Variants in SPINK5 observed in about 807,000 individuals in gnomAD.
SPINK5 encodes the protein serine protease inhibitor Kazal-type 5.
SPINK5 carries 125 observed loss-of-function variants against 151.8 expected under a neutral mutation model. The ratio of observed to expected loss-of-function variants is 0.82; its 90% confidence interval spans 0.71 to 0.96. The LOEUF is 0.96. SPINK5 is among the 40% of genes least tolerant of loss of function. The pLI, the probability that SPINK5 is intolerant of heterozygous loss-of-function variation, is 0.00. For missense variants in SPINK5, 1,194 were observed against 1,291.9 expected, an observed-to-expected ratio of 0.92 and a Z score of 1.16; for synonymous variants, 374 against 395.3, an observed-to-expected ratio of 0.95 and a Z score of 0.64.
At position 148,118,210 on chromosome 5, in the gene SPINK5, T is replaced by G. The variant is rs3777136; in HGVS notation, c.2113-227T>G. 0.54 allele frequency among the ~76,000 whole-genome samples: 82,426 copies of G among 151,946 alleles called. 23,505 individuals are homozygous for G. The highest frequency in any genetic ancestry group is 0.64 in the Admixed American group (9,786 of 15,286). Reference sequence around the variant, plus strand: ...ATTTTTGTATTTTTAGTAGAGACAGTGTTTCACCATGCTGTCCAGGCTGGT... The same window carrying G: ...ATTTTTGTATTTTTAGTAGAGACAGGGTTTCACCATGCTGTCCAGGCTGGT... On this transcript the variant is annotated intron_variant, in intron 22 of 32. Coordinates refer to ENST00000256084, the MANE Select transcript of SPINK5 (RefSeq NM_006846.4).
intron 10 of SPINK5, 82 bp from the exon 11 acceptor site, chr5:148,097,785 C>T (rs1410609420): frequency 1.1e-6 from 1 of 933,626 alleles, no homozygotes; most frequent in Non-Finnish European, 1.5e-6. Context: ...CTTAATTTCT[C>T]TTTTTTCTTT....
intron 21 of SPINK5, 43 bp from the exon 22 acceptor site, chr5:148,116,327 T>C (rs1241103360): frequency 6.3e-7 from 1 of 1,594,306 alleles, no homozygotes. Flanking sequence ...CACACCACTC[T>C]CTGTAATCTA....
rs3752676 is a variant in SPINK5 at position 148,070,522 on chromosome 5, C to A, written c.209+72C>A. The stretch of plus-strand genomic sequence containing the variant: ...TAGTCTCTGAACTGGTAAATGTATT[C>A]TTTTTCTTTCAAGTGCATTTTTCTA... On this transcript the variant is annotated intron_variant, in intron 3 of 32. Transcript: ENST00000256084. 1,053,160 of 1,584,200 alleles carry A rather than the reference C, an allele frequency of 0.66. 356,130 individuals carry two copies. Among genetic ancestry groups the A allele is most frequent in the East Asian group, 0.91 (40,228 of 44,232 alleles).
chr5:148,077,695 A>C (rs1752921003), intron 4 of SPINK5, among the ~76,000 whole-genome samples: 1 of 148,862 alleles, frequency 6.7e-6, no homozygotes, highest in Admixed American at 6.7e-5. Flanking sequence ...AGAGAAAATA[A>C]AGCTTTATTA....
rs1328467661 is a variant in SPINK5, at chr5:148,075,637, T to C, written c.282+3417T>C. On this transcript the variant is annotated intron_variant, in intron 4 of 32. Transcript: ENST00000256084. ...TCTCCTCAGAAAGCAACTATAAAGCTAGACAAAATTGACCAAAAACCATTT... is the reference window on the plus strand; with the variant it reads ...TCTCCTCAGAAAGCAACTATAAAGCCAGACAAAATTGACCAAAAACCATTT... 2.0e-5 allele frequency among the ~76,000 whole-genome samples: 3 copies of C among 151,844 alleles called. No individual in the cohort carries two copies. In the East Asian group the frequency reaches 5.9e-4, roughly 30 times the overall value.
At chr5:148,126,023 T>C (rs538840342) in intron 29 of SPINK5, among the ~76,000 whole-genome samples, 173 bp downstream of exon 29, 1 of 152,336 alleles carries the variant, frequency 6.6e-6, no homozygotes, top group East Asian at 1.9e-4. Flanking sequence ...ACACTGAGAC[T>C]TGGAGACAAA....
intron 22 of SPINK5, among the ~76,000 whole-genome samples, chr5:148,118,017 T>C (rs3822745): frequency 5.9e-5 from 9 of 151,778 alleles, no homozygotes; most frequent in Non-Finnish European, 1.2e-4. Context: ...TTAGGGGTTT[T>C]TTTGTTTGTT....
At chr5:148,099,432 C>T in intron 12 of SPINK5, 117 bp downstream of exon 12, 1 of 808,338 alleles carries the variant, frequency 1.2e-6, no homozygotes, top group Non-Finnish European at 2.1e-6. Flanking sequence ...ACTCTTCAAT[C>T]TGGGGATGGT....
At position 148,120,337 on chromosome 5, in the gene SPINK5, C is replaced by T; in HGVS notation, c.2484C>T (p.Asp828=). ...AAEKKKKEDE[D]RSNTGERSNT... ...AAAAAAAAAAGAAAGAGGATGAAGA[C>T]AGGAGCAATACAGGAGAAAGGAGCA... The change falls in exon 26 of 33, where the codon GAC becomes GAT. Residue 828 remains aspartate, a synonymous_variant. Coordinates refer to ENST00000256084, the MANE Select transcript of SPINK5 (RefSeq NM_006846.4). 16 of 1,604,302 alleles carry T rather than the reference C, an allele frequency of 1.0e-5. No individual in the cohort carries two copies. Among genetic ancestry groups the T allele is most frequent in the Non-Finnish European group, 1.4e-5 (16 of 1,174,688 alleles).
At chr5:148,123,049 G>T (rs893281168) in intron 26 of SPINK5, among the ~76,000 whole-genome samples, 2 of 151,738 alleles carry the variant, frequency 1.3e-5, no homozygotes, top group African/African-American at 4.8e-5. Context: ...ATAGAAAATG[G>T]TATTAAAATG....
At chr5:148,076,356 AAGATTT>A (rs1390865916) in intron 4 of SPINK5, among the ~76,000 whole-genome samples, 1 of 151,656 alleles carries the variant, frequency 6.6e-6, no homozygotes, top group Admixed American at 6.6e-5. Flanking sequence ...ATGAGAGAGG[AAGATTT>A]CAAAGATTTA....
chr5:148,088,120 A>C (rs1753209431), intron 5 of SPINK5, among the ~76,000 whole-genome samples: 1 of 151,840 alleles, frequency 6.6e-6, no homozygotes, highest in Non-Finnish European at 1.5e-5. Flanking sequence ...GAAAAATAAA[A>C]TACTAGTCTT....
chr5:148,136,609 A>T (rs1169005013), intron 32 of SPINK5, among the ~76,000 whole-genome samples: 1 of 152,228 alleles, frequency 6.6e-6, no homozygotes, highest in East Asian at 1.9e-4. Context: ...TTCGTATTAC[A>T]GGAAGTGAAT....
chr5:148,077,131 C>A (rs530774243), intron 4 of SPINK5, among the ~76,000 whole-genome samples: 13 of 150,228 alleles, frequency 8.7e-5, no homozygotes, highest in Admixed American at 1.3e-4. Flanking sequence ...TCAATACACC[C>A]CAAATAGGAT....
chr5:148,109,031 G>A (rs80125880), intron 18 of SPINK5, among the ~76,000 whole-genome samples, 194 bp downstream of exon 18: 322 of 151,598 alleles, frequency 2.1e-3, no homozygotes, highest in African/African-American at 7.4e-3. Flanking sequence ...TTAATTGCTC[G>A]TGCAGGAGAG....
Position 148,120,289 on chromosome 5 carries a change from C to T in SPINK5, c.2442-6C>T, listed in dbSNP as rs770370049. On this transcript the variant is annotated splice_polypyrimidine_tract_variant and splice_region_variant and intron_variant, in intron 25 of 32. Coordinates refer to ENST00000256084, the MANE Select transcript of SPINK5 (RefSeq NM_006846.4). ...TGATTGAAATGTTTCATTGTTTTCCCCCCAGGGAAAGGGAAGCAGCTGAAA... is the reference window on the plus strand; with the variant it reads ...TGATTGAAATGTTTCATTGTTTTCCTCCCAGGGAAAGGGAAGCAGCTGAAA... 6.2e-6 allele frequency: 10 copies of T among 1,605,700 alleles called. No homozygotes were observed. The highest frequency in any genetic ancestry group is 8.5e-6 in the Non-Finnish European group (10 of 1,175,474).
At chr5:148,103,448 T>C (rs1246771832) in intron 15 of SPINK5, among the ~76,000 whole-genome samples, 1 of 152,160 alleles carries the variant, frequency 6.6e-6, no homozygotes, top group Admixed American at 6.5e-5. Context: ...CTTACATTAA[T>C]TTTTCAGTAG....
At chr5:148,094,593 G>A in intron 9 of SPINK5, 112 bp downstream of exon 9, 2 of 1,575,016 alleles carry the variant, frequency 1.3e-6, no homozygotes, top group South Asian at 1.1e-5. Context: ...AGAACCATCT[G>A]AGCAGTTTTA....
intron 3 of SPINK5, among the ~76,000 whole-genome samples, chr5:148,070,721 A>G (rs1410461335): frequency 6.6e-6 from 1 of 152,088 alleles, no homozygotes; most frequent in Non-Finnish European, 1.5e-5. Context: ...TAGTCTTTTG[A>G]GGATGTAGTT....
Sources: allele counts gnomAD v4.1 joint callset (sites outside exome capture counted in the v4.1 genomes callset), GRCh38; gene constraint gnomAD v4.1.1; transcripts MANE v1.5; gene names NCBI Gene and HGNC (gene_info 2026-07-23, HGNC 2026-07-21).